SHROOM3: variants seen among roughly 807,000 people sequenced by gnomAD.
The protein encoded by SHROOM3 is shroom family member 3.
Under a neutral mutation model 138.6 loss-of-function variants are expected in SHROOM3, and 47 were observed. That is an observed-to-expected ratio of 0.34 (90% CI 0.27 to 0.43). SHROOM3 has a LOEUF of 0.43. Among genes scored for constraint, SHROOM3 ranks in the 20% least tolerant of loss-of-function variants. The probability of loss-of-function intolerance (pLI) is 1.00; values close to 1 mark genes in which losing one functional copy is unlikely to be tolerated. For missense variants in SHROOM3, 2,491 were observed against 2,596.5 expected, an observed-to-expected ratio of 0.96 and a Z score of 0.88; for synonymous variants, 1,062 against 1,063.3, an observed-to-expected ratio of 1.00 and a Z score of 0.02.
intron 9 of SHROOM3, among the ~76,000 whole-genome samples, chr4:76,766,629 T>C (rs1452519784): frequency 6.6e-6 from 1 of 152,248 alleles, no homozygotes; most frequent in East Asian, 1.9e-4. Context: ...TGAGTTATTC[T>C]GGTAGACATT....
rs531669438 is a variant in SHROOM3, at chr4:76,568,010, C to T, written c.323+12247C>T. Among the ~76,000 whole-genome samples the T allele has an allele frequency of 8.5e-5, 13 of 152,194 alleles. No homozygotes were observed. The South Asian group carries it at 2.1e-3, about 24-fold the overall frequency. On this transcript the variant is annotated intron_variant, in intron 2 of 10. Transcript: ENST00000296043. ...ATCCCCTGCAGAGTCCATTTTACAT[C>T]GCAGTCCCCTTTCTCCTGTATCCTC...
At chr4:76,589,377 G>C (rs1012122084) in intron 2 of SHROOM3, among the ~76,000 whole-genome samples, 1 of 151,768 alleles carries the variant, frequency 6.6e-6, no homozygotes, top group Non-Finnish European at 1.5e-5. Flanking sequence ...TGAGGCAGGA[G>C]AATCGCTTGA....
At chr4:76,663,451 T>G (rs915003012) in intron 2 of SHROOM3, among the ~76,000 whole-genome samples, 11 of 152,068 alleles carry the variant, frequency 7.2e-5, no homozygotes, top group African/African-American at 2.7e-4. Context: ...CTACACAACT[T>G]GCTAAGTCAA....
At chr4:76,456,673 A>T (rs1018062959) in intron 1 of SHROOM3, among the ~76,000 whole-genome samples, 3 of 152,214 alleles carry the variant, frequency 2.0e-5, no homozygotes, top group Admixed American at 2.0e-4. Flanking sequence ...AATGATGCAG[A>T]TTATCGATTT....
chr4:76,742,853 A>G (rs1721305684), intron 5 of SHROOM3, among the ~76,000 whole-genome samples: 2 of 152,152 alleles, frequency 1.3e-5, no homozygotes, highest in African/African-American at 2.4e-5. Context: ...CTCCCCTCTC[A>G]GATTCTGCTG....
chr4:76,739,646 C>T lies in SHROOM3; in HGVS notation c.1473C>T (p.Leu491=). 6.2e-7 allele frequency: 1 copy of T among 1,614,190 alleles called. No homozygotes were observed. The highest frequency in any genetic ancestry group is 8.5e-7 in the Non-Finnish European group (1 of 1,180,044). Residue 491 remains leucine, a synonymous_variant, in exon 5 of 11, where the codon CTC becomes CTT. Transcript: ENST00000296043. Reference sequence around the variant, plus strand: ...CTTCTGTGAGTAGCAACGGTATGCTCTACCCTGCACTGGCCAAGGAGAGTG... The same window carrying T: ...CTTCTGTGAGTAGCAACGGTATGCTTTACCCTGCACTGGCCAAGGAGAGTG... The part of the protein sequence containing the change: ...PQPSVSSNGM[L]YPALAKESGY...
chr4:76,742,504 CCT>C (rs906622301), intron 5 of SHROOM3, among the ~76,000 whole-genome samples: 9 of 152,070 alleles, frequency 5.9e-5, no homozygotes, highest in African/African-American at 2.2e-4. Flanking sequence ...ATGTCAGACC[CCT>C]GTCTCTCGGA....
chr4:76,697,029 A>G (rs1719757525), intron 2 of SHROOM3, among the ~76,000 whole-genome samples: 1 of 151,764 alleles, frequency 6.6e-6, no homozygotes, highest in Admixed American at 6.6e-5. Context: ...CAATCCTCCC[A>G]TCTCAGCTTC....
intron 1 of SHROOM3, among the ~76,000 whole-genome samples, chr4:76,439,147 C>G (rs914565605): frequency 3.3e-5 from 5 of 152,114 alleles, no homozygotes; most frequent in African/African-American, 1.2e-4. Context: ...CTTGCCCTGT[C>G]TAGCTTCTAG....
intron 9 of SHROOM3, among the ~76,000 whole-genome samples, chr4:76,768,374 T>G (rs1722231615): frequency 6.6e-6 from 1 of 152,216 alleles, no homozygotes; most frequent in Non-Finnish European, 1.5e-5. Flanking sequence ...GCAGGTAAAT[T>G]TCATAGCTTC....
chr4:76,714,201 A>G (rs915991209), intron 3 of SHROOM3, among the ~76,000 whole-genome samples: 1 of 152,190 alleles, frequency 6.6e-6, no homozygotes, highest in African/African-American at 2.4e-5. Flanking sequence ...AACTTTATAT[A>G]AACTATAAAC....
chr4:76,695,286 T>C (rs535962542), intron 2 of SHROOM3, among the ~76,000 whole-genome samples: 3 of 152,298 alleles, frequency 2.0e-5, no homozygotes, highest in African/African-American at 7.2e-5. Context: ...TGACTCCAAT[T>C]AGGAAGTCAG....
At chr4:76,562,104 AT>A (rs1252494113) in intron 2 of SHROOM3, among the ~76,000 whole-genome samples, 1 of 152,188 alleles carries the variant, frequency 6.6e-6, no homozygotes, top group African/African-American at 2.4e-5. Flanking sequence ...TGAAGAGGTG[AT>A]TCCCCATTGA....
At chr4:76,629,275 C>T (rs147752454) in intron 2 of SHROOM3, among the ~76,000 whole-genome samples, 3 of 152,274 alleles carry the variant, frequency 2.0e-5, no homozygotes, top group Admixed American at 6.5e-5. Context: ...AAGGCCAAGA[C>T]CATGCCTGGT....
rs1367339393 is a variant in SHROOM3, at chr4:76,770,663, C to T, written c.5387C>T (p.Thr1796Ile). 6.2e-7 allele frequency: 1 copy of T among 1,614,114 alleles called. No individual in the cohort carries two copies. Among genetic ancestry groups the T allele is most frequent in the Non-Finnish European group, 8.5e-7 (1 of 1,180,022 alleles). ...GGAAGTCTCACCCACAAGCTGGAGA[C>T]CCTCCAGGAGGCGAAGGGGAGCCTG... Reference protein sequence around the residue: ...LIGSLTHKLETLQEAKGSLLT... With the variant: ...LIGSLTHKLEILQEAKGSLLT... Residue 1796 changes from threonine (T) to isoleucine (I), a missense_variant, in exon 10 of 11, where the codon ACC becomes ATC. Thr to Ile is a moderately conservative substitution (Grantham distance 89). Around this residue, in one of 4 missense-constraint regions of SHROOM3, gnomAD observed 470 missense variants for 595.0 expected, o/e 0.79. Coordinates refer to ENST00000296043, the MANE Select transcript of SHROOM3 (RefSeq NM_020859.4).
chr4:76,459,178 TAAAGG>T (rs1316480732), intron 1 of SHROOM3, among the ~76,000 whole-genome samples: 15 of 152,106 alleles, frequency 9.9e-5, no homozygotes, highest in Non-Finnish European at 1.5e-5. Flanking sequence ...ACATAACCAG[TAAAGG>T]AAAGAAGCAT....
At position 76,687,511 on chromosome 4, in the gene SHROOM3, C is replaced by T. The variant is rs541772040; in HGVS notation, c.324-22645C>T. Among the ~76,000 whole-genome samples the T allele has an allele frequency of 2.0e-5, 3 of 152,232 alleles. No individual in the cohort carries two copies. The East Asian group carries it at 5.8e-4, about 29-fold the overall frequency. On this transcript the variant is annotated intron_variant, in intron 2 of 10. Transcript: ENST00000296043. ...TGGAGGAAGGGACAGACAAGGAGAA[C>T]GGAGGTACCAGTTGAGCAAACTAAC...
chr4:76,455,928 A>G (rs1355544017), intron 1 of SHROOM3, among the ~76,000 whole-genome samples: 2 of 152,206 alleles, frequency 1.3e-5, no homozygotes, highest in African/African-American at 4.8e-5. Context: ...ACCAAAACCC[A>G]TGGATGCTTA....
At chr4:76,438,721 T>C (rs1579153387) in intron 1 of SHROOM3, among the ~76,000 whole-genome samples, 1 of 151,756 alleles carries the variant, frequency 6.6e-6, no homozygotes, top group Non-Finnish European at 1.5e-5. Context: ...CTCAGAAGTC[T>C]GTGAGCCTTT....
Sources: allele counts gnomAD v4.1 joint callset (sites outside exome capture counted in the v4.1 genomes callset), GRCh38; gene constraint gnomAD v4.1.1; regional missense constraint gnomAD v4.1.1; transcripts MANE v1.5; gene names NCBI Gene and HGNC (gene_info 2026-07-23, HGNC 2026-07-21).